COL11A1: variants seen among roughly 807,000 people sequenced by gnomAD.
The protein encoded by COL11A1 is collagen type XI alpha 1 chain.
In COL11A1, 74 loss-of-function variants were observed where a neutral mutation model predicts 265.2. That is an observed-to-expected ratio of 0.28 (90% CI 0.23 to 0.34). The LOEUF is 0.34. Among genes scored for constraint, COL11A1 ranks in the 10% least tolerant of loss-of-function variants. The pLI, the probability that COL11A1 is intolerant of heterozygous loss-of-function variation, is 1.00. For synonymous variants in COL11A1, 816 were observed against 727.6 expected, an observed-to-expected ratio of 1.12 and a Z score of -1.96; for missense variants, 2,165 against 2,263.6, an observed-to-expected ratio of 0.96 and a Z score of 0.88.
At chr1:103,020,968 G>A (rs1372091205) in intron 9 of COL11A1, among the ~76,000 whole-genome samples, 1 of 143,174 alleles carries the variant, frequency 7.0e-6, no homozygotes, top group East Asian at 2.1e-4. Context: ...CAGAAATAAC[G>A]CTGCATATCT....
rs1259497119 is a variant in COL11A1, at chr1:103,025,596, A to G, written c.915T>C (p.Asp305=). 4 of 1,613,482 alleles carry G rather than the reference A, an allele frequency of 2.5e-6. No individual in the cohort carries two copies. The highest frequency in any genetic ancestry group is 1.3e-5 in the African/African-American group (1 of 74,918). The change falls in exon 7 of 67, where the codon GAT becomes GAC. Residue 305 remains aspartate (D), a synonymous_variant. Coordinates refer to ENST00000370096, the MANE Select transcript of COL11A1 (RefSeq NM_001854.4). ...IAQTEANIVD[D]FQEYNYGTME... ...TTGTTCCATAGTTGTATTCTTGAAA[A>G]TCATCAACGATGTTTGCCTAATGGT...
At chr1:103,055,617 T>G (rs1039927451) in intron 4 of COL11A1, among the ~76,000 whole-genome samples, 1 of 152,192 alleles carries the variant, frequency 6.6e-6, no homozygotes, top group East Asian at 1.9e-4. Context: ...ACCATGCTTA[T>G]CTCTTTAATG....
chr1:103,060,446 TTTA>T (rs761339084), intron 4 of COL11A1, among the ~76,000 whole-genome samples: 136 of 152,262 alleles, frequency 8.9e-4, no homozygotes, highest in Admixed American at 1.1e-3. Context: ...TAAAATATTT[TTTA>T]TTATTATTAA....
intron 9 of COL11A1, among the ~76,000 whole-genome samples, chr1:103,019,707 T>C (rs1444083314): frequency 6.6e-6 from 1 of 150,652 alleles, no homozygotes; most frequent in Non-Finnish European, 1.5e-5. Flanking sequence ...CATCTAGCAT[T>C]AGGTATATCT....
At chr1:103,061,449 G>A (rs7552870) in intron 4 of COL11A1, among the ~76,000 whole-genome samples, 5,266 of 151,954 alleles carry the variant, frequency 0.035, 329 homozygotes, top group African/African-American at 0.12. Flanking sequence ...ATTACTTATC[G>A]TTCTAAAGTT....
intron 46 of COL11A1, among the ~76,000 whole-genome samples, chr1:102,933,865 G>T (rs575179881): frequency 6.6e-6 from 1 of 152,108 alleles, no homozygotes; most frequent in Admixed American, 6.5e-5. Context: ...AGGTGAGTCC[G>T]TCACCCCTTT....
chr1:103,085,499 G>T (rs1672776789), intron 1 of COL11A1, among the ~76,000 whole-genome samples: 2 of 150,908 alleles, frequency 1.3e-5, no homozygotes, highest in African/African-American at 4.8e-5. Flanking sequence ...ACATGTAATC[G>T]CCACATAGTG....
At position 102,975,436 on chromosome 1, in the gene COL11A1, A is replaced by G. The variant is rs566057516; in HGVS notation, c.2755-553T>C. Among the ~76,000 whole-genome samples the G allele has an allele frequency of 9.9e-5, 15 of 152,254 alleles. No homozygotes were observed. In the South Asian group the frequency reaches 3.1e-3, roughly 32 times the overall value. ...TATATTTATTTTGGATGATGTCAAT[A>G]TATTTTTTACTCATGTATAAATTTC... On this transcript the variant is annotated intron_variant, in intron 35 of 66. Transcript: ENST00000370096.
Position 103,006,130 on chromosome 1 carries a change from G to C in COL11A1, c.1738-9C>G, listed in dbSNP as rs762508576. 1.2e-6 allele frequency: 2 copies of C among 1,611,944 alleles called. No homozygotes were observed. Among genetic ancestry groups the C allele is most frequent in the South Asian group, 2.2e-5 (2 of 90,870 alleles). The stretch of plus-strand genomic sequence containing the variant: ...TCTGCACCTGGACGACCCTAATAAT[G>C]CCAACAGCATGATTAAGCGAAGTGA... On this transcript the variant is annotated splice_polypyrimidine_tract_variant and intron_variant, in intron 16 of 66. Coordinates refer to ENST00000370096, the MANE Select transcript of COL11A1 (RefSeq NM_001854.4).
chr1:103,080,179 A>G (rs1486056390), intron 2 of COL11A1, among the ~76,000 whole-genome samples: 1 of 151,972 alleles, frequency 6.6e-6, no homozygotes, highest in African/African-American at 2.4e-5. Flanking sequence ...CAAAAGAAAA[A>G]ACAGCAAGAG....
At chr1:103,002,838 TA>T in intron 21 of COL11A1, 47 bp from the exon 22 acceptor site, 1 of 1,540,078 alleles carries the variant, frequency 6.5e-7, no homozygotes, top group Non-Finnish European at 9.0e-7. Flanking sequence ...GTTTTGATGC[TA>T]AAACAGAAAA....
At chr1:102,949,702 T>C (rs1023854140) in intron 41 of COL11A1, among the ~76,000 whole-genome samples, 5 of 152,216 alleles carry the variant, frequency 3.3e-5, no homozygotes, top group African/African-American at 9.6e-5. Context: ...TGTGCCCTAA[T>C]TCACTACCAA....
In COL11A1 at chr1:102,939,314, T is replaced by C. The variant is rs544824998; in HGVS notation, c.3385-226A>G. Among the ~76,000 whole-genome samples, 13 of 152,324 alleles carry C rather than the reference T, an allele frequency of 8.5e-5. No homozygotes were observed. The South Asian group carries it at 2.5e-3, about 29-fold the overall frequency. Reference sequence around the variant, plus strand: ...CTTCAAAGTATACTACAACTGAATTTATAATTCAAAAATCAATTTTGTCTC... The same window carrying C: ...CTTCAAAGTATACTACAACTGAATTCATAATTCAAAAATCAATTTTGTCTC... On this transcript the variant is annotated intron_variant, in intron 43 of 66. Coordinates refer to ENST00000370096, the MANE Select transcript of COL11A1 (RefSeq NM_001854.4).
chr1:103,038,352 C>G (rs1207845327), intron 4 of COL11A1, among the ~76,000 whole-genome samples: 1 of 152,088 alleles, frequency 6.6e-6, no homozygotes, highest in Non-Finnish European at 1.5e-5. Flanking sequence ...GTAGTCCTAG[C>G]TACTTGGGAG....
chr1:102,977,411 T>C (rs899997262), intron 35 of COL11A1, among the ~76,000 whole-genome samples: 3 of 152,160 alleles, frequency 2.0e-5, no homozygotes, highest in Admixed American at 1.3e-4. Flanking sequence ...CAAGAGGTAC[T>C]TGTCTCACTC....
chr1:102,877,883 G>T lies in COL11A1; in HGVS notation c.*136C>A. On this transcript the variant is annotated 3_prime_UTR_variant, in exon 67 of 67. Transcript: ENST00000370096. ...TGATTCTGCCCCCACAAAGGCATCG[G>T]TATTTCCTAAATGGTACCTGTATAT... is the stretch of plus-strand genomic sequence containing the variant. 1 of 821,066 alleles carries T rather than the reference G, an allele frequency of 1.2e-6. No individual in the cohort carries two copies. 50.9% of individuals were successfully genotyped at this position (821,066 alleles called of 1,614,324 possible).
chr1:103,068,194 A>G (rs1671299786), intron 4 of COL11A1, among the ~76,000 whole-genome samples: 2 of 151,710 alleles, frequency 1.3e-5, no homozygotes, highest in South Asian at 4.1e-4. Flanking sequence ...CTTTTTAAAG[A>G]TATTTTACAA....
At chr1:103,036,913 A>G (rs1229316538) in intron 4 of COL11A1, among the ~76,000 whole-genome samples, 6 of 152,082 alleles carry the variant, frequency 3.9e-5, no homozygotes, top group African/African-American at 1.4e-4. Flanking sequence ...TTGCCTATAG[A>G]CAGTATGGGT....
chr1:103,108,465 G>C lies in COL11A1; in HGVS notation c.-287C>G. ...TGCCTTCAGAATGAAGGCAGATGAG[G>C]GGCTTCCACCAACAAGCTGAGAGTA... On this transcript the variant is annotated 5_prime_UTR_variant, in exon 1 of 67. Transcript: ENST00000370096. The C allele has an allele frequency of 5.0e-6, 3 of 595,476 alleles. No individual in the cohort carries two copies. Among genetic ancestry groups the C allele is most frequent in the Non-Finnish European group, 8.9e-6 (3 of 335,434 alleles). 36.9% of individuals were successfully genotyped at this position (595,476 alleles called of 1,614,324 possible).
Sources: gnomAD v4.1 joint callset for allele counts (sites outside exome capture counted in the v4.1 genomes callset) on GRCh38, gnomAD v4.1.1 for gene constraint, MANE v1.5 for transcripts, NCBI Gene and HGNC (gene_info 2026-07-23, HGNC 2026-07-21) for gene names.